Variants in SYT7 observed in about 807,000 individuals in gnomAD.
SYT7 encodes synaptotagmin-7.
A neutral mutation model predicts 75.1 loss-of-function variants in SYT7; 29 were observed. The observed-to-expected ratio is 0.39, with a 90% CI of 0.29 to 0.53. The LOEUF (loss-of-function observed/expected upper bound fraction) is 0.53, where lower values mean the gene tolerates loss of function less well. Among genes scored for constraint, SYT7 ranks in the 20% least tolerant of loss-of-function variants. The pLI is 0.77. For missense variants in SYT7, 693 were observed against 953.2 expected, an observed-to-expected ratio of 0.73 and a Z score of 3.59; for synonymous variants, 376 against 401.7, an observed-to-expected ratio of 0.94 and a Z score of 0.76.
intron 2 of SYT7, among the ~76,000 whole-genome samples, chr11:61,552,996 T>A (rs2063396444): frequency 6.6e-6 from 1 of 152,186 alleles, no homozygotes; most frequent in African/African-American, 2.4e-5. Context: ...TGGAACCTGG[T>A]ACTGGGCAGT....
intron 1 of SYT7, among the ~76,000 whole-genome samples, chr11:61,557,315 T>C (rs1241692400): frequency 6.6e-6 from 1 of 152,202 alleles, no homozygotes; most frequent in Non-Finnish European, 1.5e-5. Context: ...CTGCGTGGGC[T>C]TTTTGGTGCC....
At chr11:61,518,823 A>C (rs1590807966) in intron 12 of SYT7, 92 bp from the exon 13 acceptor site, 1 of 891,650 alleles carries the variant, frequency 1.1e-6, no homozygotes. Flanking sequence ...CCACCATGAT[A>C]CCCTAGCCTG....
intron 9 of SYT7, among the ~76,000 whole-genome samples, chr11:61,525,521 A>G (rs1321147176): frequency 1.3e-5 from 2 of 151,976 alleles, no homozygotes; most frequent in Non-Finnish European, 2.9e-5. Context: ...CTCATCCTTC[A>G]GGTCTCAGCA....
chr11:61,556,994 T>TGAGACCC (rs200447258), intron 1 of SYT7, among the ~76,000 whole-genome samples: 1 of 128,274 alleles, frequency 7.8e-6, no homozygotes, highest in African/African-American at 4.3e-5. Flanking sequence ...TTGGCAAAGA[T>TGAGACCC]GTCCTGGGAG....
intron 3 of SYT7, among the ~76,000 whole-genome samples, chr11:61,547,555 G>GT (rs1433860688): frequency 6.6e-6 from 1 of 152,056 alleles, no homozygotes; most frequent in African/African-American, 2.4e-5. Flanking sequence ...CGCACTCGAG[G>GT]GCCGGGAAGC....
At chr11:61,560,863 G>C (rs2063619682) in intron 1 of SYT7, among the ~76,000 whole-genome samples, 1 of 152,102 alleles carries the variant, frequency 6.6e-6, no homozygotes, top group Non-Finnish European at 1.5e-5. Context: ...CAGGAAGCAG[G>C]TCCTTCCTGG....
chr11:61,519,870 G>T (rs891911018), intron 12 of SYT7, among the ~76,000 whole-genome samples: 1 of 152,190 alleles, frequency 6.6e-6, no homozygotes, highest in African/African-American at 2.4e-5. Context: ...GCCCAGGCTA[G>T]AGTGTAATGG....
chr11:61,554,091 G>C (rs541947772), intron 2 of SYT7, among the ~76,000 whole-genome samples: 41 of 152,200 alleles, frequency 2.7e-4, no homozygotes, highest in Admixed American at 5.2e-4. Flanking sequence ...TTGTGGGGAG[G>C]GGCTGGGACC....
chr11:61,549,199 C>T (rs745755443), intron 3 of SYT7, among the ~76,000 whole-genome samples: 5 of 152,096 alleles, frequency 3.3e-5, no homozygotes, highest in Non-Finnish European at 5.9e-5. Flanking sequence ...CCAGAGTCAC[C>T]ACTGCCAGAC....
intron 1 of SYT7, among the ~76,000 whole-genome samples, chr11:61,564,906 T>G (rs903471534): frequency 7.9e-5 from 12 of 152,130 alleles, no homozygotes; most frequent in Admixed American, 4.6e-4. Context: ...CAGGACAGGT[T>G]GGGGGCTGGG....
chr11:61,546,961 G>C lies in SYT7; in HGVS notation c.347+216C>G, dbSNP rs1263161231. ...CTCCTGCAAGGCTGGCCCTGGGGGA[G>C]GGGACGGGAGCGGGCAGGCAGGTGG... On this transcript the variant is annotated intron_variant, in intron 4 of 12. Transcript: ENST00000539008. The surrounding 1 kb of genome is among the most constrained non-coding windows in gnomAD (Gnocchi z 7.6). 6.6e-6 allele frequency among the ~76,000 whole-genome samples: 1 copy of C among 152,132 alleles called. No homozygotes were observed. Among genetic ancestry groups the C allele is most frequent in the Non-Finnish European group, 1.5e-5 (1 of 68,034 alleles).
At chr11:61,545,606 G>A (rs1293982486) in intron 5 of SYT7, among the ~76,000 whole-genome samples, 2 of 152,244 alleles carry the variant, frequency 1.3e-5, no homozygotes, top group Non-Finnish European at 2.9e-5. Context: ...AAGCCTGGGA[G>A]CTGATGGGTG....
At chr11:61,569,127 G>T (rs1037048828) in intron 1 of SYT7, among the ~76,000 whole-genome samples, 30 of 152,160 alleles carry the variant, frequency 2.0e-4, no homozygotes, top group Non-Finnish European at 4.0e-4. Context: ...GGGGTCCATT[G>T]GTTGGCTCAG....
At chr11:61,561,179 G>A (rs926142383) in intron 1 of SYT7, among the ~76,000 whole-genome samples, 5 of 152,186 alleles carry the variant, frequency 3.3e-5, no homozygotes, top group African/African-American at 4.8e-5. Flanking sequence ...CTTTTGACAG[G>A]GTTGAGTGCC....
At chr11:61,563,342 C>T (rs1213602226) in intron 1 of SYT7, among the ~76,000 whole-genome samples, 1 of 152,206 alleles carries the variant, frequency 6.6e-6, no homozygotes, top group Non-Finnish European at 1.5e-5. Flanking sequence ...GAACACTTTA[C>T]CTTCAAATGA....
In SYT7 at chr11:61,523,399, G is replaced by A. The variant is rs940570341; in HGVS notation, c.1757-125C>T. On this transcript the variant is annotated intron_variant, in intron 11 of 12. Coordinates refer to ENST00000539008, the MANE Select transcript of SYT7 (RefSeq NM_001365809.2). This position sits in a 1 kb window ranked among gnomAD's most constrained non-coding sequence, Gnocchi z 5.0. ...TGTGCTTTCCCCAGAGGCAAGGAAA[G>A]ACCCAGGCAAGAACAAGAGGGACCT... 1.1e-6 allele frequency: 1 copy of A among 919,248 alleles called. No homozygotes were observed. Among genetic ancestry groups the A allele is most frequent in the African/African-American group, 1.6e-5 (1 of 60,920 alleles). The allele number at this position is 919,248 out of a possible 1,614,324, so 56.9% of individuals were successfully genotyped here.
intron 1 of SYT7, among the ~76,000 whole-genome samples, chr11:61,578,253 G>A (rs1039399735): frequency 1.3e-5 from 2 of 152,210 alleles, no homozygotes; most frequent in African/African-American, 4.8e-5. Context: ...GTCAGGTAAG[G>A]TCCTCACAGT....
the SYT7 span, among the ~76,000 whole-genome samples, chr11:61,586,645 G>A: frequency 1.3e-5 from 2 of 152,224 alleles, no homozygotes; most frequent in Admixed American, 6.5e-5. Context: ...ATAATTGGGT[G>A]TGTGTTTGGG....
At chr11:61,540,184 G>A (rs1453632575) in intron 6 of SYT7, 1 of 152,190 alleles carries the variant, frequency 6.6e-6, no homozygotes. Context: ...GGAGAGTGGA[G>A]GGAGAGGCTG....
Sources: allele counts gnomAD v4.1 joint callset (sites outside exome capture counted in the v4.1 genomes callset), GRCh38; gene constraint gnomAD v4.1.1; non-coding constraint Gnocchi (gnomAD v3.1); transcripts MANE v1.5; gene names NCBI Gene and HGNC (gene_info 2026-07-23, HGNC 2026-07-21).